KIF5C: variants seen among roughly 807,000 people sequenced by gnomAD.
KIF5C encodes kinesin family member 5C.
KIF5C carries 18 observed loss-of-function variants against 125.2 expected under a neutral mutation model. The observed-to-expected ratio is 0.14, with a 90% confidence interval of 0.10 to 0.21. The LOEUF is 0.21. Among genes scored for constraint, KIF5C ranks in the 10% least tolerant of loss-of-function variants. KIF5C has a pLI of 1.00. For synonymous variants in KIF5C, 405 were observed against 434.0 expected, an observed-to-expected ratio of 0.93 and a Z score of 0.83; for missense variants, 780 against 1,183.8, an observed-to-expected ratio of 0.66 and a Z score of 5.01.
chr2:148,915,604 G>A (rs1021988097), intron 1 of KIF5C, among the ~76,000 whole-genome samples: 1 of 152,222 alleles, frequency 6.6e-6, no homozygotes, highest in African/African-American at 2.4e-5. Flanking sequence ...CTTCATATTT[G>A]ACAGTGAAAC....
At chr2:148,937,425 G>A in intron 4 of KIF5C, 37 bp downstream of exon 4, 1 of 1,547,274 alleles carries the variant, frequency 6.5e-7, no homozygotes, top group South Asian at 1.2e-5. Flanking sequence ...GAAGACACTG[G>A]GCCCCAGATA....
chr2:148,919,406 C>A (rs1681692924), intron 1 of KIF5C, among the ~76,000 whole-genome samples: 1 of 152,056 alleles, frequency 6.6e-6, no homozygotes. Context: ...GTGTTAGTAC[C>A]CAGAACCTGC....
intron 22 of KIF5C, 36 bp downstream of exon 22, chr2:149,005,500 AATCAAAGATGG>A (rs1344823338): frequency 1.9e-6 from 3 of 1,609,798 alleles, no homozygotes; most frequent in African/African-American, 2.7e-5. Context: ...CTGAGAAGAA[AATCAAAGATGG>A]CAGGGAAGAA....
At chr2:148,908,435 C>G (rs1681200282) in intron 1 of KIF5C, among the ~76,000 whole-genome samples, 1 of 152,188 alleles carries the variant, frequency 6.6e-6, no homozygotes, top group African/African-American at 2.4e-5. Flanking sequence ...CAAAATAAAC[C>G]TAGGTTCATC....
At chr2:149,016,276 GCAGTGGGAGCTGGTTCATGATTAGA>G (rs1682353858) in intron 25 of KIF5C, among the ~76,000 whole-genome samples, 1 of 152,188 alleles carries the variant, frequency 6.6e-6, no homozygotes, top group African/African-American at 2.4e-5. Flanking sequence ...GGGCGTGGAA[GCAGTGGGAGCTGGTTCATGATTAGA>G]CAAGGCCACT....
intron 13 of KIF5C, among the ~76,000 whole-genome samples, chr2:148,979,325 C>T (rs1056770444): frequency 6.6e-6 from 1 of 152,086 alleles, no homozygotes; most frequent in East Asian, 1.9e-4. Flanking sequence ...CTCTGTTGTC[C>T]AGGCTGGAAT....
At chr2:148,932,552 G>C (rs1010751393) in intron 3 of KIF5C, among the ~76,000 whole-genome samples, 1 of 152,212 alleles carries the variant, frequency 6.6e-6, no homozygotes, top group Admixed American at 6.5e-5. Flanking sequence ...GGACACAGGG[G>C]GTTCCAGCTC....
chr2:149,012,367 A>G (rs958934942), intron 25 of KIF5C, among the ~76,000 whole-genome samples: 12 of 152,198 alleles, frequency 7.9e-5, no homozygotes, highest in African/African-American at 2.7e-4. Context: ...CAGACAGATG[A>G]CTAGGTGACC....
chr2:148,922,088 T>A, intron 1 of KIF5C, 49 bp from the exon 2 acceptor site: 1 of 1,291,590 alleles, frequency 7.7e-7, no homozygotes, highest in Non-Finnish European at 1.1e-6. Flanking sequence ...TTCCTAAACA[T>A]CTAATGTGTT....
intron 8 of KIF5C, among the ~76,000 whole-genome samples, chr2:148,948,346 G>A (rs1159338906): frequency 6.8e-6 from 1 of 146,944 alleles, no homozygotes; most frequent in Non-Finnish European, 1.5e-5. Flanking sequence ...GACAGAGGGA[G>A]ACTCTGTCTC....
intron 1 of KIF5C, among the ~76,000 whole-genome samples, chr2:148,884,907 G>A (rs534189931): frequency 4.4e-4 from 66 of 151,514 alleles, no homozygotes; most frequent in African/African-American, 1.6e-3. Flanking sequence ...AAGCACACAC[G>A]GGGCCATCAG....
chr2:148,969,140 A>G (rs1680826439), intron 11 of KIF5C, among the ~76,000 whole-genome samples: 2 of 152,214 alleles, frequency 1.3e-5, no homozygotes, highest in African/African-American at 4.8e-5. Flanking sequence ...TTCTTTAAAA[A>G]AAAACCCAAA....
intron 8 of KIF5C, among the ~76,000 whole-genome samples, chr2:148,947,649 C>G (rs75670498): frequency 6.6e-6 from 1 of 152,234 alleles, no homozygotes; most frequent in African/African-American, 2.4e-5. Flanking sequence ...CCCATGCCCT[C>G]CCAGGCCCTG....
At chr2:148,957,190 G>T (rs960235220) in intron 10 of KIF5C, among the ~76,000 whole-genome samples, 4 of 152,210 alleles carry the variant, frequency 2.6e-5, no homozygotes. Flanking sequence ...AAATGCACAC[G>T]TGTGGGCCTG....
At chr2:148,997,217 G>C in intron 17 of KIF5C, 47 bp from the exon 18 acceptor site, 1 of 1,585,710 alleles carries the variant, frequency 6.3e-7, no homozygotes, top group African/African-American at 1.3e-5. Context: ...TTTTGGGTGT[G>C]AGTCCCACCA....
chr2:148,954,580 G>A (rs73962011), intron 10 of KIF5C, among the ~76,000 whole-genome samples: 20,937 of 152,138 alleles, frequency 0.14, 2,200 homozygotes, highest in African/African-American at 0.29. Flanking sequence ...GACCTGAATC[G>A]GCACATCTTT....
chr2:148,880,020 G>A (rs1681302521), intron 1 of KIF5C, among the ~76,000 whole-genome samples: 1 of 152,160 alleles, frequency 6.6e-6, no homozygotes, highest in African/African-American at 2.4e-5. Context: ...ATTAAGTGAA[G>A]AAATACAGCT....
intron 1 of KIF5C, among the ~76,000 whole-genome samples, chr2:148,896,164 A>G (rs948385153): frequency 1.3e-5 from 2 of 152,356 alleles, no homozygotes; most frequent in African/African-American, 2.4e-5. Flanking sequence ...CTCTGAAGCC[A>G]GGAAACCCAT....
In KIF5C at chr2:149,008,003, C is replaced by A. The variant is rs777520533; in HGVS notation, c.2486C>A (p.Ala829Asp). Residue 829 changes from alanine to aspartate, a missense_variant, in exon 23 of 26, where the codon GCC (alanine) becomes GAC (aspartate). Around this residue, in one of 2 missense-constraint regions of KIF5C, gnomAD observed 573 missense variants for 742.6 expected, o/e 0.77. Coordinates refer to ENST00000435030, the MANE Select transcript of KIF5C (RefSeq NM_004522.3). ...AACGATGATGGAGGGGGCAGTGCTG[C>A]CCAGAAGCAGAAAATTTCCTTCTTG... ...LDNDDGGGSA[A>D]QKQKISFLEN... 6.2e-7 allele frequency: 1 copy of A among 1,611,756 alleles called. No individual in the cohort carries two copies. Among genetic ancestry groups the A allele is most frequent in the South Asian group, 1.1e-5 (1 of 90,734 alleles).
Sources: allele counts gnomAD v4.1 joint callset (sites outside exome capture counted in the v4.1 genomes callset), GRCh38; gene constraint gnomAD v4.1.1; regional missense constraint gnomAD v4.1.1; transcripts MANE v1.5; gene names NCBI Gene and HGNC (gene_info 2026-07-23, HGNC 2026-07-21).